PDE6A: variants seen among roughly 807,000 people sequenced by gnomAD.
PDE6A encodes the protein phosphodiesterase 6A, also known as rod cGMP-specific 3',5'-cyclic phosphodiesterase subunit alpha.
In PDE6A, 84 loss-of-function variants were observed where a neutral mutation model predicts 106.3. The observed-to-expected ratio is 0.79, with a 90% CI of 0.66 to 0.95. The LOEUF is 0.95. Among genes scored for constraint, PDE6A ranks in the 40% least tolerant of loss-of-function variants. PDE6A has a pLI of 0.00. For missense variants in PDE6A, 1,052 were observed against 1,084.9 expected (o/e 0.97, Z 0.43); for synonymous variants, 394 against 386.6 (o/e 1.02, Z -0.23).
intron 6 of PDE6A, 23 bp downstream of exon 6, chr5:149,914,920 G>A: frequency 6.5e-7 from 1 of 1,538,110 alleles, no homozygotes; most frequent in Non-Finnish European, 9.0e-7. Flanking sequence ...TTGTCATTTT[G>A]TCTTTTGACA....
At chr5:149,861,684 T>C (rs529330564) in intron 21 of PDE6A, among the ~76,000 whole-genome samples, 11 of 152,258 alleles carry the variant, frequency 7.2e-5, no homozygotes, top group Admixed American at 2.0e-4. Flanking sequence ...TAAATCTGGA[T>C]TTTTTAAATC....
chr5:149,867,754 C>G lies in PDE6A; in HGVS notation c.2245G>C (p.Glu749Gln), dbSNP rs762690268. 1 of 1,613,790 alleles carries G rather than the reference C, an allele frequency of 6.2e-7. No individual in the cohort carries two copies. The highest frequency in any genetic ancestry group is 1.7e-5 in the Admixed American group (1 of 59,994). Reference sequence around the variant, plus strand: ...GGATTCTGTTGCAGCACCGTGCGCTCCAGGTCACCTTGTTCCCAGAATTCA... The same window carrying G: ...GGATTCTGTTGCAGCACCGTGCGCTGCAGGTCACCTTGTTCCCAGAATTCA... ...AAEFWEQGDL[E>Q]RTVLQQNPIP... The change falls in exon 19 of 22, where the codon GAG becomes CAG. Residue 749 changes from glutamate (E) to glutamine (Q), a missense_variant. Physicochemically the swap from Glu to Gln is conservative, Grantham distance 29. This residue lies in a region of PDE6A where 135 missense variants were observed against 153.2 expected (regional missense o/e 0.88). Coordinates refer to ENST00000255266, the MANE Select transcript of PDE6A (RefSeq NM_000440.3).
intron 8 of PDE6A, among the ~76,000 whole-genome samples, chr5:149,901,355 C>T (rs1252426129): frequency 6.6e-6 from 1 of 152,138 alleles, no homozygotes; most frequent in South Asian, 2.1e-4. Flanking sequence ...ATGGTGAAAC[C>T]CTGTCTCTAC....
intron 19 of PDE6A, 163 bp from the exon 20 acceptor site, chr5:149,866,416 A>G (rs933691126): frequency 1.2e-5 from 7 of 599,722 alleles, no homozygotes; most frequent in African/African-American, 1.9e-5. Context: ...AAAGAACACC[A>G]TGAGGGTGTA....
intron 8 of PDE6A, among the ~76,000 whole-genome samples, chr5:149,902,618 C>T (rs187200891): frequency 1.2e-4 from 18 of 151,890 alleles, no homozygotes; most frequent in Admixed American, 2.0e-4. Context: ...GTCAGGAGTT[C>T]GAGACCAATC....
intron 1 of PDE6A, among the ~76,000 whole-genome samples, chr5:149,943,968 T>C (rs1182206709): frequency 6.6e-6 from 1 of 152,210 alleles, no homozygotes; most frequent in Non-Finnish European, 1.5e-5. Flanking sequence ...TGTTAATGAA[T>C]GATAAATTTG....
chr5:149,926,378 A>G (rs1753864083), intron 4 of PDE6A, among the ~76,000 whole-genome samples: 1 of 152,220 alleles, frequency 6.6e-6, no homozygotes, highest in African/African-American at 2.4e-5. Flanking sequence ...TTTTCACTAG[A>G]AGAGTAGGGA....
At chr5:149,917,359 T>G (rs1274220648) in intron 5 of PDE6A, among the ~76,000 whole-genome samples, 1 of 152,032 alleles carries the variant, frequency 6.6e-6, no homozygotes, top group African/African-American at 2.4e-5. Context: ...TCCCTAGAGA[T>G]TTCAGTGCAG....
intron 4 of PDE6A, among the ~76,000 whole-genome samples, chr5:149,927,280 C>T (rs996339240): frequency 2.6e-5 from 4 of 152,118 alleles, no homozygotes; most frequent in Admixed American, 6.5e-5. Context: ...AGTTGCTCTG[C>T]GTGAGTCAGT....
intron 13 of PDE6A, among the ~76,000 whole-genome samples, chr5:149,893,113 T>G (rs1752605289): frequency 6.6e-6 from 1 of 152,200 alleles, no homozygotes; most frequent in Non-Finnish European, 1.5e-5. Flanking sequence ...AAAGAAGCCC[T>G]TTGTGACCCA....
chr5:149,916,511 GAC>G (rs1753557989), intron 5 of PDE6A, among the ~76,000 whole-genome samples: 1 of 152,012 alleles, frequency 6.6e-6, no homozygotes, highest in African/African-American at 2.4e-5. Flanking sequence ...CATGTTTCAT[GAC>G]CCCAAACTAA....
At chr5:149,916,706 G>A (rs1235783854) in intron 5 of PDE6A, among the ~76,000 whole-genome samples, 4 of 152,122 alleles carry the variant, frequency 2.6e-5, no homozygotes, top group African/African-American at 7.2e-5. Flanking sequence ...ATGCCCAAGC[G>A]TGATGAGCAA....
chr5:149,894,726 G>A (rs1359145417), intron 13 of PDE6A, among the ~76,000 whole-genome samples: 2 of 147,210 alleles, frequency 1.4e-5, no homozygotes, highest in Non-Finnish European at 3.0e-5. Context: ...CTGCCTCCCG[G>A]GTTCAAGGAA....
At chr5:149,909,886 C>T (rs919611167) in intron 6 of PDE6A, among the ~76,000 whole-genome samples, 5 of 152,036 alleles carry the variant, frequency 3.3e-5, no homozygotes, top group Admixed American at 1.3e-4. Context: ...TGAGAATTTC[C>T]TAATTAGCTT....
At chr5:149,899,195 G>A (rs1752872280) in intron 9 of PDE6A, among the ~76,000 whole-genome samples, 180 bp downstream of exon 9, 1 of 152,170 alleles carries the variant, frequency 6.6e-6, no homozygotes, top group African/African-American at 2.4e-5. Flanking sequence ...AGGAAATGTG[G>A]ATTTCTCTGA....
intron 4 of PDE6A, among the ~76,000 whole-genome samples, chr5:149,926,804 C>G (rs921523099): frequency 3.3e-5 from 5 of 151,952 alleles, no homozygotes; most frequent in Non-Finnish European, 5.9e-5. Context: ...ATAGTAAAAC[C>G]CTGTCTCTAC....
intron 14 of PDE6A, among the ~76,000 whole-genome samples, chr5:149,885,841 G>A (rs1222061960): frequency 6.6e-6 from 1 of 152,152 alleles, no homozygotes; most frequent in Non-Finnish European, 1.5e-5. Flanking sequence ...TTGCTCTTTT[G>A]AGCTTCTAGA....
intron 5 of PDE6A, among the ~76,000 whole-genome samples, chr5:149,920,994 G>GAAAGAAAGAAAGAAAGAAAGAAAGAAAC: frequency 7.4e-6 from 1 of 135,598 alleles, no homozygotes; most frequent in South Asian, 2.4e-4. Context: ...AAGAAAGAAA[G>GAAAGAAAGAAAGAAAGAAAGAAAGAAAC]AAAAAGAAAG....
chr5:149,932,804 A>G, intron 3 of PDE6A: 1 of 772,460 alleles, frequency 1.3e-6, no homozygotes, highest in Non-Finnish European at 2.1e-6. Context: ...TGCTGGATTG[A>G]GAGACACTTT....
Sources: gnomAD v4.1 joint callset for allele counts (sites outside exome capture counted in the v4.1 genomes callset) on GRCh38, gnomAD v4.1.1 for gene constraint, gnomAD v4.1.1 regional missense constraint, MANE v1.5 for transcripts, NCBI Gene and HGNC (gene_info 2026-07-23, HGNC 2026-07-21) for gene names.